DZIP3: variants seen among roughly 807,000 people sequenced by gnomAD.
The protein encoded by DZIP3 is DAZ interacting zinc finger protein 3.
DZIP3 carries 118 observed loss-of-function variants against 162.0 expected under a neutral mutation model. The ratio of observed to expected loss-of-function variants is 0.73; its 90% CI spans 0.63 to 0.85. The LOEUF (loss-of-function observed/expected upper bound fraction) is 0.85. Among genes scored for constraint, DZIP3 ranks in the 40% least tolerant of loss-of-function variants. The pLI is 0.00. For missense variants in DZIP3, 1,331 were observed against 1,407.0 expected, an observed-to-expected ratio of 0.95 and a Z score of 0.86; for synonymous variants, 438 against 458.6, an observed-to-expected ratio of 0.96 and a Z score of 0.57.
chr3:108,668,426 C>T (rs1332522146), intron 21 of DZIP3, among the ~76,000 whole-genome samples: 1 of 151,964 alleles, frequency 6.6e-6, no homozygotes, highest in African/African-American at 2.4e-5. Context: ...ATAATAAGAA[C>T]TATGCCTACC....
chr3:108,628,002 C>T (rs1307755861), intron 7 of DZIP3, among the ~76,000 whole-genome samples: 3 of 152,158 alleles, frequency 2.0e-5, no homozygotes, highest in African/African-American at 7.2e-5. Flanking sequence ...CCTCTGCCTC[C>T]CAAGTAGCTG....
At position 108,688,574 on chromosome 3, in the gene DZIP3, A is replaced by G; in HGVS notation, c.3271-19A>G. The G allele has an allele frequency of 1.2e-6, 2 of 1,608,840 alleles. No individual in the cohort carries two copies. The highest frequency in any genetic ancestry group is 1.7e-6 in the Non-Finnish European group (2 of 1,177,818). On this transcript the variant is annotated intron_variant, in intron 29 of 32. Coordinates refer to ENST00000361582, the MANE Select transcript of DZIP3 (RefSeq NM_014648.4). ...TTAGGATAATTCTGAAAAAATAAACATTATGTTCTTATTTTCAGAGTCAAG... is the reference window on the plus strand; with the variant it reads ...TTAGGATAATTCTGAAAAAATAAACGTTATGTTCTTATTTTCAGAGTCAAG...
intron 5 of DZIP3, among the ~76,000 whole-genome samples, chr3:108,619,329 G>GTT (rs1941205802): frequency 2.7e-5 from 4 of 148,518 alleles, no homozygotes; most frequent in African/African-American, 1.0e-4. Flanking sequence ...TGTGTGTTTT[G>GTT]TTTTATATAC....
chr3:108,606,124 C>G (rs908392852), intron 2 of DZIP3, among the ~76,000 whole-genome samples: 5 of 152,294 alleles, frequency 3.3e-5, no homozygotes, highest in Middle Eastern at 3.4e-3. Context: ...TTATGTTTTA[C>G]ACATAAACCT....
At chr3:108,680,345 G>T (rs967098160) in intron 26 of DZIP3, among the ~76,000 whole-genome samples, 1 of 151,976 alleles carries the variant, frequency 6.6e-6, no homozygotes, top group Admixed American at 6.6e-5. Context: ...GGAAAGAAGG[G>T]AGTCAGACTG....
At chr3:108,619,280 ATGTGTGTGGGTATATGTGTGTATG>A (rs1284340642) in intron 5 of DZIP3, among the ~76,000 whole-genome samples, 36 of 149,132 alleles carry the variant, frequency 2.4e-4, no homozygotes, top group Non-Finnish European at 4.2e-4. Context: ...GTGTGTGTGT[ATGTGTGTGGGTATATGTGTGTATG>A]TGTGTGTGTG....
At chr3:108,620,133 C>T (rs943963375) in intron 5 of DZIP3, among the ~76,000 whole-genome samples, 4 of 152,106 alleles carry the variant, frequency 2.6e-5, no homozygotes, top group African/African-American at 9.7e-5. Context: ...ATATTTTCTC[C>T]CTTCCATGAG....
At chr3:108,613,393 T>C (rs995413479) in intron 4 of DZIP3, among the ~76,000 whole-genome samples, 3 of 152,172 alleles carry the variant, frequency 2.0e-5, no homozygotes, top group Non-Finnish European at 4.4e-5. Flanking sequence ...AAAGTTGTTA[T>C]GAAGCTCTAA....
chr3:108,663,732 G>A (rs373398570), intron 21 of DZIP3, among the ~76,000 whole-genome samples: 13 of 152,172 alleles, frequency 8.5e-5, no homozygotes, highest in African/African-American at 2.9e-4. Context: ...ACTCTTTACC[G>A]CTGACCCATG....
In DZIP3 at chr3:108,647,830, T is replaced by C; in HGVS notation, c.1793-113T>C. ...CATCGAGTAATTGAAAAGAGTAAGA[T>C]ATATTTTATTTCTGTTTTGTGAATG... On this transcript the variant is annotated intron_variant, in intron 15 of 32. Coordinates refer to ENST00000361582, the MANE Select transcript of DZIP3 (RefSeq NM_014648.4). The C allele has an allele frequency of 5.0e-6, 4 of 796,356 alleles. No individual in the cohort carries two copies. The South Asian group carries it at 8.4e-5, about 17-fold the overall frequency. The allele number at this position is 796,356 out of a possible 1,614,324, so 49.3% of individuals were successfully genotyped here.
At chr3:108,611,704 G>A (rs767629035) in intron 4 of DZIP3, among the ~76,000 whole-genome samples, 1 of 152,128 alleles carries the variant, frequency 6.6e-6, no homozygotes, top group Non-Finnish European at 1.5e-5. Flanking sequence ...AGTGGCTCAC[G>A]TCTCTAATCC....
At chr3:108,673,136 T>C (rs1943984598) in intron 23 of DZIP3, among the ~76,000 whole-genome samples, 1 of 151,970 alleles carries the variant, frequency 6.6e-6, no homozygotes, top group Non-Finnish European at 1.5e-5. Flanking sequence ...AAAAGAAATA[T>C]GATTGTATGT....
intron 21 of DZIP3, among the ~76,000 whole-genome samples, chr3:108,664,557 T>C (rs1032385501): frequency 3.3e-5 from 5 of 152,204 alleles, no homozygotes; most frequent in African/African-American, 1.2e-4. Flanking sequence ...CTTAAGCCAG[T>C]CTGAGACAAA....
At position 108,688,044 on chromosome 3, in the gene DZIP3, T is replaced by G; in HGVS notation, c.3218T>G (p.Phe1073Cys). 1 of 1,613,708 alleles carries G rather than the reference T, an allele frequency of 6.2e-7. No homozygotes were observed. The highest frequency in any genetic ancestry group is 8.5e-7 in the Non-Finnish European group (1 of 1,179,786). ...GGAAAATCCTTGTCTGAACTGACAT[T>G]TGATGAAATTGTTTGCAAGATTTCC... is the stretch of plus-strand genomic sequence containing the variant. ...AYGKSLSELT[F>C]DEIVCKISQF... Residue 1073 changes from phenylalanine to cysteine, a missense_variant, in exon 29 of 33, where the codon TTT becomes TGT. Coordinates refer to ENST00000361582, the MANE Select transcript of DZIP3 (RefSeq NM_014648.4).
At chr3:108,614,007 G>A (rs1322172395) in intron 4 of DZIP3, among the ~76,000 whole-genome samples, 1 of 152,138 alleles carries the variant, frequency 6.6e-6, no homozygotes, top group African/African-American at 2.4e-5. Context: ...TTTATAGCTT[G>A]AGATGTAAAT....
Position 108,690,712 on chromosome 3 carries a change from C to T in DZIP3, c.3517-75C>T, listed in dbSNP as rs994595485. 20 of 1,345,014 alleles carry T rather than the reference C, an allele frequency of 1.5e-5. No homozygotes were observed. The African/African-American group carries it at 2.9e-4, about 19-fold the overall frequency. 83.3% of individuals were successfully genotyped at this position (1,345,014 alleles called of 1,614,324 possible). ...CACCAGAAGACATGTTGGTTGGTAA[C>T]CCTGATGCATAGAGTGACAACTGCC... On this transcript the variant is annotated intron_variant, in intron 31 of 32. Coordinates refer to ENST00000361582, the MANE Select transcript of DZIP3 (RefSeq NM_014648.4).
intron 8 of DZIP3, among the ~76,000 whole-genome samples, chr3:108,631,045 ACACACACACACTCTCTCTCT>A (rs1941821457): frequency 1.2e-5 from 1 of 81,858 alleles, no homozygotes; most frequent in Non-Finnish European, 2.4e-5. Flanking sequence ...ACACACACAC[ACACACACACACTCTCTCTCT>A]CTCTCTCTCT....
At chr3:108,627,218 C>T (rs1941627924) in intron 7 of DZIP3, among the ~76,000 whole-genome samples, 1 of 152,194 alleles carries the variant, frequency 6.6e-6, no homozygotes, top group African/African-American at 2.4e-5. Context: ...TGTCCTTCCT[C>T]AGATGTGAAA....
chr3:108,658,422 A>C (rs963758412), intron 19 of DZIP3, among the ~76,000 whole-genome samples: 30 of 152,154 alleles, frequency 2.0e-4, no homozygotes, highest in Middle Eastern at 3.4e-3. Flanking sequence ...GGCAGAAATA[A>C]AGATGTTCTT....
Sources: allele counts gnomAD v4.1 joint callset (sites outside exome capture counted in the v4.1 genomes callset), GRCh38; gene constraint gnomAD v4.1.1; transcripts MANE v1.5; gene names NCBI Gene and HGNC (gene_info 2026-07-23, HGNC 2026-07-21).